Variants in NFASC observed in about 807,000 individuals in gnomAD.
NFASC encodes the protein neurofascin.
A neutral mutation model predicts 147.5 loss-of-function variants in NFASC; 43 were observed. The observed-to-expected ratio is 0.29, with a 90% CI of 0.23 to 0.38. NFASC has a LOEUF of 0.38. Ranked by LOEUF, NFASC falls within the 10% of genes least tolerant of loss-of-function variation. The probability of loss-of-function intolerance (pLI) is 1.00; values close to 1 mark genes in which losing one functional copy is unlikely to be tolerated. For missense variants in NFASC, 1,320 were observed against 1,689.0 expected (o/e 0.78, Z 3.83); for synonymous variants, 622 against 665.5 (o/e 0.93, Z 1.01).
chr1:204,876,273 A>G (rs1451178481), intron 1 of NFASC, among the ~76,000 whole-genome samples: 1 of 152,024 alleles, frequency 6.6e-6, no homozygotes, highest in Non-Finnish European at 1.5e-5. Context: ...ATTGCCCCCT[A>G]AAAATCTCCT....
chr1:204,839,246 T>C (rs939339587), intron 1 of NFASC, among the ~76,000 whole-genome samples: 60 of 152,072 alleles, frequency 3.9e-4, no homozygotes, highest in African/African-American at 1.4e-3. Flanking sequence ...TGAATACAAA[T>C]AATATTTATT....
At chr1:204,962,305 C>A (rs779159275) in intron 8 of NFASC, 11 of 679,530 alleles carry the variant, frequency 1.6e-5, no homozygotes, top group Non-Finnish European at 2.6e-5. Flanking sequence ...GGCTGCCTGC[C>A]AGGAGGCAGT....
At chr1:204,993,238 A>G (rs759176665) in intron 24 of NFASC, among the ~76,000 whole-genome samples, 23 of 152,134 alleles carry the variant, frequency 1.5e-4, no homozygotes, top group Non-Finnish European at 2.9e-4. Context: ...ATCCACCTGT[A>G]TCTGTAGTCT....
rs752878961 is a variant in NFASC, at chr1:204,979,042, G to A, written c.1951G>A (p.Gly651Arg). The change falls in exon 18 of 30, where the codon GGG becomes AGG. Residue 651 changes from glycine (G) to arginine (R), a missense_variant. Transcript: ENST00000339876. This position sits in a 1 kb window ranked among gnomAD's most constrained non-coding sequence, Gnocchi z 6.0. ...GAGCGTGCGGCTGACCTGGATCCCC[G>A]GGGATGCTAACAACAGCCCCATCAC... ...ERSVRLTWIPGDANNSPITDY... is the reference protein window; with the variant it reads ...ERSVRLTWIPRDANNSPITDY... 1.9e-6 allele frequency: 3 copies of A among 1,564,018 alleles called. No individual in the cohort carries two copies. Among genetic ancestry groups the A allele is most frequent in the Non-Finnish European group, 2.6e-6 (3 of 1,153,390 alleles).
chr1:204,852,559 A>G (rs11240292), intron 1 of NFASC, among the ~76,000 whole-genome samples: 31,444 of 152,162 alleles, frequency 0.21, 4,832 homozygotes, highest in East Asian at 0.53. Flanking sequence ...AGTAAGTGCT[A>G]CATCTTAGGA....
At chr1:204,984,326 T>C (rs1287197095) in intron 21 of NFASC, 8 of 444,720 alleles carry the variant, frequency 1.8e-5, no homozygotes, top group African/African-American at 1.8e-4. Flanking sequence ...AAAAATTATA[T>C]ATATATGTGT....
rs545343393 is a variant in NFASC, at chr1:204,851,746, A to G, written c.-200+22964A>G. Among the ~76,000 whole-genome samples the G allele has an allele frequency of 1.1e-4, 17 of 152,348 alleles. No individual in the cohort carries two copies. The East Asian group carries it at 3.3e-3, about 29-fold the overall frequency. Reference sequence around the variant, plus strand: ...ATGCATATAACAATCAACATTAAATATTGTGTTAAAACTACACTTTGTAAA... The same window carrying G: ...ATGCATATAACAATCAACATTAAATGTTGTGTTAAAACTACACTTTGTAAA... On this transcript the variant is annotated intron_variant, in intron 1 of 29. Transcript: ENST00000339876.
chr1:204,841,811 G>A (rs777566511), intron 1 of NFASC, among the ~76,000 whole-genome samples: 11 of 152,092 alleles, frequency 7.2e-5, no homozygotes, highest in Non-Finnish European at 1.3e-4. Flanking sequence ...CTGAGGGGTC[G>A]GTGACTCCTC....
intron 1 of NFASC, among the ~76,000 whole-genome samples, chr1:204,858,908 G>C (rs891634426): frequency 6.6e-6 from 1 of 151,780 alleles, no homozygotes; most frequent in East Asian, 1.9e-4. Context: ...AGCACACGGG[G>C]CACTCCTTTA....
At position 204,975,161 on chromosome 1, in the gene NFASC, A is replaced by C. The variant is rs921302212; in HGVS notation, c.1559-110A>C. 3 of 1,207,578 alleles carry C rather than the reference A, an allele frequency of 2.5e-6. No homozygotes were observed. The African/African-American group carries it at 4.6e-5, about 18-fold the overall frequency. 74.8% of individuals were successfully genotyped at this position (1,207,578 alleles called of 1,614,324 possible). A position where few individuals can be genotyped will look rare whatever the true frequency, so the allele number is the denominator to read the frequency against. On this transcript the variant is annotated intron_variant, in intron 14 of 29. Transcript: ENST00000339876. This position sits in a 1 kb window ranked among gnomAD's most constrained non-coding sequence, Gnocchi z 4.0. ...TACCATAGCATACTGTTTGTGCCCC[A>C]CTCCATAGTTGGCCCAAGGCCTCGA... is the stretch of plus-strand genomic sequence containing the variant.
Position 205,008,004 on chromosome 1 carries a change from G to C in NFASC, c.3290-1553G>C, listed in dbSNP as rs374983961. ...TTTCTCTGCAGCCTACCTAGATCATGGTACTCACAAGCCTTGTTCTCGCAG... is the reference window on the plus strand; with the variant it reads ...TTTCTCTGCAGCCTACCTAGATCATCGTACTCACAAGCCTTGTTCTCGCAG... On this transcript the variant is annotated intron_variant, in intron 27 of 29. Coordinates refer to ENST00000339876, the MANE Select transcript of NFASC (RefSeq NM_001005388.3). Among the ~76,000 whole-genome samples, 130 of 152,280 alleles carry C rather than the reference G, an allele frequency of 8.5e-4. 5 individuals are homozygous for C. In the South Asian group the frequency reaches 0.026, roughly 31 times the overall value.
intron 17 of NFASC, among the ~76,000 whole-genome samples, chr1:204,978,413 T>C (rs986443483): frequency 6.6e-6 from 1 of 152,196 alleles, no homozygotes; most frequent in African/African-American, 2.4e-5. Context: ...ATGAAATGCC[T>C]AAGCCAAGTC....
chr1:205,002,926 A>T (rs931969086), intron 27 of NFASC, among the ~76,000 whole-genome samples, 178 bp downstream of exon 27: 3 of 152,190 alleles, frequency 2.0e-5, no homozygotes, highest in Admixed American at 2.0e-4. Context: ...GGAAGCCTAG[A>T]GGAGCCCAGT....
chr1:204,950,406 G>A (rs1229023495), intron 3 of NFASC, 151 bp from the exon 4 acceptor site: 1 of 727,284 alleles, frequency 1.4e-6, no homozygotes, highest in Non-Finnish European at 2.4e-6. Context: ...GGGCTTTGCA[G>A]CCAGGAGGAG....
rs545914637 is a variant in NFASC, at chr1:204,904,918, TA to T, written c.-199-15712del. Among the ~76,000 whole-genome samples the T allele has an allele frequency of 6.2e-4, 95 of 152,186 alleles. 1 individual carries two copies. Among genetic ancestry groups the T allele is most frequent in the African/African-American group, 2.2e-3 (93 of 41,508 alleles). ...CATCTGTTTGCTTACTTATTTATAA[TA>T]ATATAATAAGTATCTACAAACCTAC... is the stretch of plus-strand genomic sequence containing the variant. On this transcript the variant is annotated intron_variant, in intron 1 of 29. Coordinates refer to ENST00000339876, the MANE Select transcript of NFASC (RefSeq NM_001005388.3).
intron 1 of NFASC, among the ~76,000 whole-genome samples, chr1:204,874,539 T>C (rs1199540138): frequency 6.6e-6 from 1 of 152,092 alleles, no homozygotes; most frequent in Non-Finnish European, 1.5e-5. Flanking sequence ...CTGCCCCCGG[T>C]TCCCATTCCT....
intron 2 of NFASC, 46 bp from the exon 3 acceptor site, chr1:204,944,180 C>G (rs1332085161): frequency 6.6e-7 from 1 of 1,522,020 alleles, no homozygotes; most frequent in African/African-American, 1.4e-5. Context: ...TAGAGCAAAC[C>G]ACAAGTTCAT....
intron 1 of NFASC, among the ~76,000 whole-genome samples, chr1:204,847,894 C>T (rs1435122063): frequency 4.6e-5 from 7 of 152,242 alleles, no homozygotes; most frequent in South Asian, 4.1e-4. Flanking sequence ...AGGATCCCTC[C>T]GGGTCAGAGG....
At chr1:204,985,064 AC>A (rs933586713) in intron 21 of NFASC, among the ~76,000 whole-genome samples, 1 of 151,968 alleles carries the variant, frequency 6.6e-6, no homozygotes, top group African/African-American at 2.4e-5. Flanking sequence ...GATGACTTGC[AC>A]CCTTAACCTA....
Sources: gnomAD v4.1 joint callset for allele counts (sites outside exome capture counted in the v4.1 genomes callset) on GRCh38, gnomAD v4.1.1 for gene constraint, Gnocchi (gnomAD v3.1) non-coding constraint, MANE v1.5 for transcripts, NCBI Gene and HGNC (gene_info 2026-07-23, HGNC 2026-07-21) for gene names.